The following KIAA1217 variants were observed in gnomAD, a reference collection of about 807,000 sequenced individuals.
KIAA1217 encodes the protein sickle tail protein homolog.
A neutral mutation model predicts 163.9 loss-of-function variants in KIAA1217; 88 were observed. That is an observed-to-expected ratio of 0.54 (90% CI 0.45 to 0.64). The LOEUF is 0.64. Ranked by LOEUF, KIAA1217 falls within the 30% of genes least tolerant of loss-of-function variation. The pLI, the probability that KIAA1217 is intolerant of heterozygous loss-of-function variation, is 0.00. For synonymous variants in KIAA1217, 903 were observed against 923.1 expected (o/e 0.98, Z 0.39); for missense variants, 2,372 against 2,475.0 (o/e 0.96, Z 0.88).
Position 23,827,424 on chromosome 10 carries a change from C to A in KIAA1217, c.-321+132190C>A, listed in dbSNP as rs146923662. ...ATTGGACTTTGATGTCCCTTACTTT[C>A]GTGTTGATAGGGAACATGTGTAATT... On this transcript the variant is annotated intron_variant, in intron 1 of 18. Coordinates refer to the KIAA1217 transcript ENST00000376462. Among the ~76,000 whole-genome samples the A allele has an allele frequency of 2.4e-3, 360 of 152,268 alleles. 1 individual carries two copies. Among genetic ancestry groups the A allele is most frequent in the African/African-American group, 8.0e-3 (331 of 41,548 alleles).
intron 2 of KIAA1217, among the ~76,000 whole-genome samples, chr10:24,272,556 C>CT (rs1483405673): frequency 6.6e-6 from 1 of 152,196 alleles, no homozygotes; most frequent in Non-Finnish European, 1.5e-5. Context: ...CTAAGGTTGA[C>CT]TCATTGTCAA....
chr10:23,769,717 G>A (rs180846253), intron 1 of KIAA1217, among the ~76,000 whole-genome samples: 1 of 152,326 alleles, frequency 6.6e-6, no homozygotes, highest in Admixed American at 6.5e-5. Flanking sequence ...AAATGGAACT[G>A]TACACTCTCA....
At chr10:23,784,667 CTTATAG>C (rs945627425) in intron 1 of KIAA1217, among the ~76,000 whole-genome samples, 6 of 152,050 alleles carry the variant, frequency 3.9e-5, no homozygotes, top group South Asian at 2.1e-4. Context: ...CATAGCTAGT[CTTATAG>C]TTATAACTGT....
chr10:23,984,353 C>T (rs1845885336), intron 1 of KIAA1217, among the ~76,000 whole-genome samples: 2 of 152,178 alleles, frequency 1.3e-5, no homozygotes, highest in South Asian at 2.1e-4. Flanking sequence ...TCATTTAAAG[C>T]TGGCAGTACC....
At chr10:24,230,621 C>T (rs2131076568) in intron 2 of KIAA1217, among the ~76,000 whole-genome samples, 1 of 147,852 alleles carries the variant, frequency 6.8e-6, no homozygotes, top group African/African-American at 2.5e-5. Context: ...AAGCAGTTCT[C>T]CTGCCTCAGC....
intron 2 of KIAA1217, among the ~76,000 whole-genome samples, chr10:24,141,679 G>C (rs182809264): frequency 2.9e-4 from 44 of 152,252 alleles, no homozygotes; most frequent in Non-Finnish European, 2.9e-4. Context: ...GCAAACACAG[G>C]ACAGACGCAA....
At chr10:23,890,752 A>G (rs11013771) in intron 1 of KIAA1217, among the ~76,000 whole-genome samples, 36,194 of 151,946 alleles carry the variant, frequency 0.24, 4,415 homozygotes, top group Middle Eastern at 0.32. Flanking sequence ...GTAAATGTCA[A>G]TTAGGTTAAG....
At chr10:24,135,764 G>T (rs1307362498) in intron 2 of KIAA1217, among the ~76,000 whole-genome samples, 1 of 152,114 alleles carries the variant, frequency 6.6e-6, no homozygotes, top group Non-Finnish European at 1.5e-5. Context: ...TCCCAGCTCT[G>T]CTGCGAAGCT....
chr10:24,477,186 T>C (rs2064139629), intron 6 of KIAA1217, among the ~76,000 whole-genome samples: 1 of 152,240 alleles, frequency 6.6e-6, no homozygotes, highest in Non-Finnish European at 1.5e-5. Context: ...ACATGTAGCA[T>C]TCCTGGGGAA....
At chr10:24,049,063 C>T (rs1849288728) in intron 2 of KIAA1217, among the ~76,000 whole-genome samples, 1 of 150,494 alleles carries the variant, frequency 6.6e-6, no homozygotes, top group African/African-American at 2.4e-5. Context: ...AATTATCCCA[C>T]CTACTAATGA....
chr10:23,939,933 CAT>C (rs199848704), intron 1 of KIAA1217, among the ~76,000 whole-genome samples: 2,893 of 149,528 alleles, frequency 0.019, 55 homozygotes, highest in Admixed American at 0.062. Context: ...AAATATGACA[CAT>C]ATTAAATATA....
intron 1 of KIAA1217, among the ~76,000 whole-genome samples, chr10:23,756,788 T>G (rs1481170481): frequency 6.6e-6 from 1 of 152,250 alleles, no homozygotes; most frequent in Non-Finnish European, 1.5e-5. Context: ...ATTTAGTACA[T>G]TAACCATTTT....
At chr10:23,986,059 T>C (rs1257076931) in intron 1 of KIAA1217, among the ~76,000 whole-genome samples, 1 of 152,220 alleles carries the variant, frequency 6.6e-6, no homozygotes, top group African/African-American at 2.4e-5. Context: ...TAATGTATTG[T>C]TATCCCCAAA....
intron 6 of KIAA1217, among the ~76,000 whole-genome samples, chr10:24,490,941 G>C (rs2066033234): frequency 6.6e-6 from 1 of 152,212 alleles, no homozygotes; most frequent in Non-Finnish European, 1.5e-5. Context: ...GTGGGTACCT[G>C]GAGTGCATAT....
chr10:24,046,118 A>G (rs1849005161), intron 2 of KIAA1217, among the ~76,000 whole-genome samples: 1 of 150,560 alleles, frequency 6.6e-6, no homozygotes, highest in African/African-American at 2.5e-5. Context: ...TATTTATTTT[A>G]GTTATGTTTA....
chr10:24,383,548 C>A (rs1438253589), intron 3 of KIAA1217, among the ~76,000 whole-genome samples: 1 of 152,210 alleles, frequency 6.6e-6, no homozygotes, highest in East Asian at 1.9e-4. Context: ...TACTCAGCAT[C>A]CTTTGCTGTA....
chr10:24,276,205 G>A (rs2132078653), intron 2 of KIAA1217, among the ~76,000 whole-genome samples: 1 of 152,248 alleles, frequency 6.6e-6, no homozygotes, highest in East Asian at 1.9e-4. Flanking sequence ...AATACAAATG[G>A]AGTTTGATGC....
chr10:24,229,309 C>T (rs768198545), intron 2 of KIAA1217, among the ~76,000 whole-genome samples: 4 of 152,104 alleles, frequency 2.6e-5, no homozygotes, highest in Non-Finnish European at 5.9e-5. Flanking sequence ...AAAAACTAGG[C>T]ATGTTTTGTA....
At chr10:24,436,129 G>A (rs1345237162) in intron 4 of KIAA1217, among the ~76,000 whole-genome samples, 1 of 151,988 alleles carries the variant, frequency 6.6e-6, no homozygotes, top group Non-Finnish European at 1.5e-5. Context: ...CCAAAGTGCT[G>A]GGATTATAAG....
Sources: gnomAD v4.1 joint callset for allele counts (sites outside exome capture counted in the v4.1 genomes callset) on GRCh38, gnomAD v4.1.1 for gene constraint, MANE v1.5 for transcripts, NCBI Gene and HGNC (gene_info 2026-07-23, HGNC 2026-07-21) for gene names.